The following B3GLCT variants were observed in gnomAD, a reference collection of about 807,000 sequenced individuals.
B3GLCT encodes beta 3-glucosyltransferase, also known as beta-1,3-glucosyltransferase.
In B3GLCT, 65 loss-of-function variants were observed where a neutral mutation model predicts 63.4. The ratio of observed to expected loss-of-function variants is 1.03; its 90% CI spans 0.84 to 1.26. The LOEUF (loss-of-function observed/expected upper bound fraction) is 1.26. B3GLCT is among the 50% of genes most tolerant of loss of function. B3GLCT has a pLI of 0.00. For missense variants in B3GLCT, 577 were observed against 604.8 expected, an observed-to-expected ratio of 0.95 and a Z score of 0.48; for synonymous variants, 233 against 219.2, an observed-to-expected ratio of 1.06 and a Z score of -0.55.
intron 7 of B3GLCT, among the ~76,000 whole-genome samples, chr13:31,268,341 G>A (rs1323148630): frequency 6.6e-6 from 1 of 152,174 alleles, no homozygotes; most frequent in Non-Finnish European, 1.5e-5. Flanking sequence ...AGTTCACTGA[G>A]TGCTCACTGT....
At chr13:31,205,743 A>G (rs1315093856) in intron 1 of B3GLCT, among the ~76,000 whole-genome samples, 3 of 152,218 alleles carry the variant, frequency 2.0e-5, no homozygotes, top group Non-Finnish European at 4.4e-5. Context: ...GAATAAATTC[A>G]TTTAAGCATT....
intron 6 of B3GLCT, among the ~76,000 whole-genome samples, chr13:31,249,081 T>C (rs1301510228): frequency 6.6e-6 from 1 of 152,166 alleles, no homozygotes; most frequent in Non-Finnish European, 1.5e-5. Context: ...GCTCCTGAGA[T>C]GAATCAGATG....
intron 12 of B3GLCT, among the ~76,000 whole-genome samples, chr13:31,309,900 G>A (rs1381763648): frequency 6.6e-6 from 1 of 152,084 alleles, no homozygotes; most frequent in African/African-American, 2.4e-5. Flanking sequence ...CTTCCTCTAG[G>A]TTATGGGGCA....
At chr13:31,239,234 G>A (rs117647024) in intron 4 of B3GLCT, among the ~76,000 whole-genome samples, 2,033 of 152,120 alleles carry the variant, frequency 0.013, 20 homozygotes, top group Non-Finnish European at 0.022. Flanking sequence ...TGATGACTAC[G>A]GCTTCCTAAA....
chr13:31,237,353 G>GTTTT (rs372747180), intron 4 of B3GLCT, among the ~76,000 whole-genome samples: 7 of 130,916 alleles, frequency 5.3e-5, no homozygotes, highest in African/African-American at 1.1e-4. Flanking sequence ...GCTGGAGGCT[G>GTTTT]TTTTTTTTTT....
Position 31,331,911 on chromosome 13 carries a change from GTGGAATAAC to G in B3GLCT, c.*2250_*2258del, listed in dbSNP as rs1875947384. ...GGATGTTAACATCAGGGATTTGTGT[GTGGAATAAC>G]TGGAATGTCATTTTTGCTTTTAAGC... On this transcript the variant is annotated 3_prime_UTR_variant, in exon 15 of 15. Transcript: ENST00000343307. 2.6e-5 allele frequency: 4 copies of G among 152,330 alleles called. No individual in the cohort carries two copies. In the South Asian group the frequency reaches 8.3e-4, roughly 32 times the overall value. 9.4% of individuals were successfully genotyped at this position (152,330 alleles called of 1,614,324 possible). A position where few individuals can be genotyped will look rare whatever the true frequency, so the allele number is the denominator to read the frequency against.
chr13:31,296,582 CACAA>C (rs1180122483), intron 12 of B3GLCT, among the ~76,000 whole-genome samples: 1 of 152,126 alleles, frequency 6.6e-6, no homozygotes, highest in Non-Finnish European at 1.5e-5. Context: ...TTGGGGGGAA[CACAA>C]ACATTCATTT....
chr13:31,273,151 G>A (rs549234144), intron 8 of B3GLCT, among the ~76,000 whole-genome samples: 57 of 152,318 alleles, frequency 3.7e-4, no homozygotes, highest in Admixed American at 1.3e-4. Flanking sequence ...CTGGAATGCA[G>A]TGGCATGATC....
intron 1 of B3GLCT, among the ~76,000 whole-genome samples, chr13:31,210,577 T>A (rs1475879429): frequency 6.6e-6 from 1 of 152,200 alleles, no homozygotes; most frequent in Admixed American, 6.5e-5. Flanking sequence ...CTTACCTCCC[T>A]TGCTAATTTT....
intron 7 of B3GLCT, among the ~76,000 whole-genome samples, chr13:31,263,524 C>T (rs1872146278): frequency 6.6e-6 from 1 of 152,180 alleles, no homozygotes; most frequent in Non-Finnish European, 1.5e-5. Flanking sequence ...GCACCCAGAG[C>T]ACTGGCAGGC....
intron 2 of B3GLCT, among the ~76,000 whole-genome samples, chr13:31,215,775 A>G (rs571095183): frequency 6.6e-6 from 1 of 152,274 alleles, no homozygotes; most frequent in East Asian, 1.9e-4. Context: ...GGATTTTACT[A>G]TGTCACAGGT....
Position 31,281,205 on chromosome 13 carries a change from G to A in B3GLCT, c.851-3443G>A, listed in dbSNP as rs201697556. Among the ~76,000 whole-genome samples, 20 of 152,102 alleles carry A rather than the reference G, an allele frequency of 1.3e-4. No homozygotes were observed. In the East Asian group the frequency reaches 1.9e-3, roughly 15 times the overall value. Reference sequence around the variant, plus strand: ...CTCTAATTAAAGAGGTTAAATTGCCGTTTGCTCAGCCTTTAGTTCCTTTCC... The same window carrying A: ...CTCTAATTAAAGAGGTTAAATTGCCATTTGCTCAGCCTTTAGTTCCTTTCC... On this transcript the variant is annotated intron_variant, in intron 10 of 14. Coordinates refer to ENST00000343307, the MANE Select transcript of B3GLCT (RefSeq NM_194318.4).
intron 4 of B3GLCT, among the ~76,000 whole-genome samples, chr13:31,244,441 G>A (rs1450135594): frequency 1.3e-5 from 2 of 152,108 alleles, no homozygotes; most frequent in African/African-American, 2.4e-5. Context: ...GCAGTGAGCC[G>A]AGATTGCGCC....
intron 6 of B3GLCT, among the ~76,000 whole-genome samples, chr13:31,257,210 C>T (rs1011728074): frequency 6.6e-6 from 1 of 152,012 alleles, no homozygotes; most frequent in African/African-American, 2.4e-5. Context: ...AGGTTTTAAT[C>T]GTGAAAGGTT....
chr13:31,328,616 C>T (rs1403796813), intron 14 of B3GLCT, among the ~76,000 whole-genome samples: 1 of 145,150 alleles, frequency 6.9e-6, no homozygotes, highest in Admixed American at 7.2e-5. Context: ...TCGCTTGAAC[C>T]CGGGAGGCAG....
intron 7 of B3GLCT, among the ~76,000 whole-genome samples, chr13:31,267,985 G>A (rs1016875139): frequency 2.0e-5 from 3 of 151,724 alleles, no homozygotes; most frequent in East Asian, 1.9e-4. Context: ...GGATACAAGT[G>A]CACCATGCTT....
intron 12 of B3GLCT, among the ~76,000 whole-genome samples, chr13:31,304,183 A>G (rs1024087619): frequency 2.5e-5 from 2 of 78,830 alleles, no homozygotes; most frequent in African/African-American, 1.1e-4. Context: ...GGAAGCGCTA[A>G]ACATGGAAAG....
intron 12 of B3GLCT, among the ~76,000 whole-genome samples, chr13:31,316,432 A>G (rs182171296): frequency 1.4e-4 from 3 of 21,418 alleles, no homozygotes; most frequent in South Asian, 2.4e-3. Context: ...TATATATATA[A>G]ATTTTTTTTT....
intron 6 of B3GLCT, among the ~76,000 whole-genome samples, chr13:31,253,588 T>C (rs1165165928): frequency 3.2e-5 from 1 of 30,954 alleles, no homozygotes. Flanking sequence ...AGAGTGAGAC[T>C]CCATCTCAAA....
Sources: gnomAD v4.1 joint callset for allele counts (sites outside exome capture counted in the v4.1 genomes callset) on GRCh38, gnomAD v4.1.1 for gene constraint, MANE v1.5 for transcripts, NCBI Gene and HGNC (gene_info 2026-07-23, HGNC 2026-07-21) for gene names.